ADAMTS19: variants seen among roughly 807,000 people sequenced by gnomAD.
ADAMTS19 encodes the protein ADAM metallopeptidase with thrombospondin type 1 motif 19.
In ADAMTS19, 93 loss-of-function variants were observed where a neutral mutation model predicts 153.3. The ratio of observed to expected loss-of-function variants is 0.61; its 90% CI spans 0.51 to 0.72. The LOEUF is 0.72. Ranked by LOEUF, ADAMTS19 falls within the 30% of genes least tolerant of loss-of-function variation. ADAMTS19 has a pLI of 0.00. For synonymous variants in ADAMTS19, 600 were observed against 556.6 expected, an observed-to-expected ratio of 1.08 and a Z score of -1.10; for missense variants, 1,482 against 1,552.1, an observed-to-expected ratio of 0.95 and a Z score of 0.76.
At chr5:129,562,013 T>A (rs1221749299) in intron 7 of ADAMTS19, among the ~76,000 whole-genome samples, 2 of 152,220 alleles carry the variant, frequency 1.3e-5, no homozygotes, top group Non-Finnish European at 2.9e-5. Context: ...AGAAAAATAG[T>A]CATAATACCA....
At chr5:129,641,838 T>C (rs1752800898) in intron 10 of ADAMTS19, 21 bp from the exon 11 acceptor site, 1 of 1,518,792 alleles carries the variant, frequency 6.6e-7, no homozygotes. Flanking sequence ...CCCTTATTAG[T>C]TATTGTGCCT....
chr5:129,644,942 T>C (rs780231950), intron 11 of ADAMTS19, among the ~76,000 whole-genome samples: 2 of 152,202 alleles, frequency 1.3e-5, no homozygotes, highest in Admixed American at 6.5e-5. Context: ...AATGTGCATA[T>C]GTACACAGCT....
chr5:129,733,227 C>T (rs909878799), intron 21 of ADAMTS19, among the ~76,000 whole-genome samples: 12 of 151,936 alleles, frequency 7.9e-5, no homozygotes, highest in African/African-American at 2.4e-4. Flanking sequence ...AAAGAAAATG[C>T]TTTTGGACTT....
intron 11 of ADAMTS19, among the ~76,000 whole-genome samples, 174 bp downstream of exon 11, chr5:129,642,134 GGTT>G (rs1172357658): frequency 2.0e-5 from 3 of 151,528 alleles, no homozygotes; most frequent in Admixed American, 6.6e-5. Context: ...TAAAATCCAT[GGTT>G]GTTTTGTTAA....
intron 21 of ADAMTS19, among the ~76,000 whole-genome samples, chr5:129,723,700 T>C (rs1263788269): frequency 6.6e-6 from 1 of 152,054 alleles, no homozygotes; most frequent in African/African-American, 2.4e-5. Context: ...ATGAAAAGAG[T>C]CAAACTGTGT....
At chr5:129,680,265 G>A (rs1366885216) in intron 17 of ADAMTS19, among the ~76,000 whole-genome samples, 1 of 152,040 alleles carries the variant, frequency 6.6e-6, no homozygotes, top group Non-Finnish European at 1.5e-5. Context: ...GCAAATCACA[G>A]CGTTTTATAT....
chr5:129,465,304 A>G (rs1229168048), intron 2 of ADAMTS19, among the ~76,000 whole-genome samples: 1 of 136,422 alleles, frequency 7.3e-6, no homozygotes, highest in Non-Finnish European at 1.5e-5. Context: ...AGTTAACACA[A>G]TGTTTTTTTT....
Position 129,735,068 on chromosome 5 carries a change from A to G in ADAMTS19, c.3449A>G (p.Asn1150Ser). The G allele has an allele frequency of 6.2e-7, 1 of 1,605,724 alleles. No individual in the cohort carries two copies. ...AGGCCATGCCATCTTCAACCCTGCA[A>G]TGAGAAAATTAATGTAAATACCATA... ...AYRPCHLQPC[N>S]EKINVNTITS... Residue 1150 changes from asparagine (N) to serine (S), a missense_variant, in exon 22 of 23, where the codon AAT (asparagine) becomes AGT (serine). Physicochemically the swap from Asn to Ser is conservative, Grantham distance 46 (BLOSUM62 1). Coordinates refer to ENST00000274487, the MANE Select transcript of ADAMTS19 (RefSeq NM_133638.6).
intron 2 of ADAMTS19, among the ~76,000 whole-genome samples, chr5:129,486,248 A>C (rs532129614): frequency 3.3e-5 from 5 of 152,212 alleles, no homozygotes; most frequent in African/African-American, 1.2e-4. Context: ...TTATGAGGCC[A>C]GAATTATTCT....
intron 20 of ADAMTS19, among the ~76,000 whole-genome samples, chr5:129,702,969 T>TATATATATATATATATATATAC (rs1755979576): frequency 7.5e-6 from 1 of 132,652 alleles, no homozygotes; most frequent in Admixed American, 7.5e-5. Flanking sequence ...TATATATATA[T>TATATATATATATATATATATAC]ATACAAATAC....
intron 21 of ADAMTS19, among the ~76,000 whole-genome samples, chr5:129,725,085 G>A (rs1036937442): frequency 6.6e-6 from 1 of 152,090 alleles, no homozygotes; most frequent in African/African-American, 2.4e-5. Context: ...TTTGGGGGCT[G>A]CTTTTCATTA....
intron 2 of ADAMTS19, among the ~76,000 whole-genome samples, chr5:129,482,505 A>T (rs1464436141): frequency 6.6e-6 from 1 of 152,210 alleles, no homozygotes; most frequent in Non-Finnish European, 1.5e-5. Flanking sequence ...ACCAGAAAAT[A>T]GGTTTCTTAA....
intron 7 of ADAMTS19, among the ~76,000 whole-genome samples, chr5:129,592,456 C>A (rs914008992): frequency 6.6e-6 from 1 of 151,214 alleles, no homozygotes; most frequent in African/African-American, 2.4e-5. Flanking sequence ...GTGTTAATTC[C>A]TTTCCCTTTT....
chr5:129,474,038 G>A lies in ADAMTS19; in HGVS notation c.747+12281G>A, dbSNP rs144090611. Reference sequence around the variant, plus strand: ...TTTAGAACAGTTCCATCAACTAGAAGGGTCCCTCATCCCCATCTGCAGTCA... The same window carrying A: ...TTTAGAACAGTTCCATCAACTAGAAAGGTCCCTCATCCCCATCTGCAGTCA... On this transcript the variant is annotated intron_variant, in intron 2 of 22. Transcript: ENST00000274487. 2.8e-3 allele frequency among the ~76,000 whole-genome samples: 422 copies of A among 152,120 alleles called. 1 individual carries two copies. Among genetic ancestry groups the A allele is most frequent in the African/African-American group, 9.8e-3 (408 of 41,520 alleles).
At chr5:129,631,861 G>T (rs1033471596) in intron 10 of ADAMTS19, among the ~76,000 whole-genome samples, 2 of 151,858 alleles carry the variant, frequency 1.3e-5, no homozygotes, top group Non-Finnish European at 2.9e-5. Flanking sequence ...CAATGTGTTT[G>T]AATTTAGGTC....
At chr5:129,561,538 A>C (rs1467428198) in intron 7 of ADAMTS19, among the ~76,000 whole-genome samples, 2 of 150,678 alleles carry the variant, frequency 1.3e-5, no homozygotes, top group Non-Finnish European at 3.0e-5. Context: ...TCCGTCTCAA[A>C]AAAAAAAAAA....
At chr5:129,570,437 T>C in intron 7 of ADAMTS19, among the ~76,000 whole-genome samples, 1 of 151,800 alleles carries the variant, frequency 6.6e-6, no homozygotes, top group East Asian at 1.9e-4. Flanking sequence ...TATTTTAAAA[T>C]CACCCAAAAA....
At chr5:129,649,702 C>A (rs1031682675) in intron 13 of ADAMTS19, among the ~76,000 whole-genome samples, 1 of 152,190 alleles carries the variant, frequency 6.6e-6, no homozygotes, top group Non-Finnish European at 1.5e-5. Context: ...CAGCTATACA[C>A]ACACAGGTAC....
At position 129,478,713 on chromosome 5, in the gene ADAMTS19, AT is replaced by A. The variant is rs200378552; in HGVS notation, c.747+16965del. 6.8e-4 allele frequency among the ~76,000 whole-genome samples: 103 copies of A among 150,776 alleles called. 1 individual carries two copies. The highest frequency in any genetic ancestry group is 3.4e-3 in the Middle Eastern group (1 of 292). ...GGTGTGTGCCACAGCTAGTTTTTAC[AT>A]TTTTTTTTGTACAGATGAGGGGTCT... On this transcript the variant is annotated intron_variant, in intron 2 of 22. Transcript: ENST00000274487.
Sources: gnomAD v4.1 joint callset for allele counts (sites outside exome capture counted in the v4.1 genomes callset) on GRCh38, gnomAD v4.1.1 for gene constraint, MANE v1.5 for transcripts, NCBI Gene and HGNC (gene_info 2026-07-23, HGNC 2026-07-21) for gene names.